The following PDPN variants were observed in gnomAD, a reference collection of about 807,000 sequenced individuals.
PDPN encodes PA2.26 antigen.
Under a neutral mutation model 23.2 loss-of-function variants are expected in PDPN, and 12 were observed. The observed-to-expected ratio is 0.52, with a 90% CI of 0.33 to 0.84. PDPN has a LOEUF of 0.84. Among genes scored for constraint, PDPN ranks in the 40% least tolerant of loss-of-function variants. The pLI is 0.02. For missense variants in PDPN, 199 were observed against 212.2 expected, an observed-to-expected ratio of 0.94 and a Z score of 0.39; for synonymous variants, 77 against 76.7, an observed-to-expected ratio of 1.00 and a Z score of -0.02.
At chr1:13,604,498 C>T (rs1640732694) in intron 1 of PDPN, among the ~76,000 whole-genome samples, 1 of 152,144 alleles carries the variant, frequency 6.6e-6, no homozygotes. Context: ...GTACTTGGCT[C>T]TGTGGGCCAA....
At chr1:13,590,398 C>T (rs188239522) in intron 1 of PDPN, among the ~76,000 whole-genome samples, 21 of 152,286 alleles carry the variant, frequency 1.4e-4, no homozygotes, top group Middle Eastern at 3.4e-3. Context: ...TCGTGTCCTG[C>T]GCGGCACATG....
chr1:13,605,143 C>G (rs903968772), intron 1 of PDPN, among the ~76,000 whole-genome samples: 7 of 150,202 alleles, frequency 4.7e-5, no homozygotes, highest in African/African-American at 1.0e-4. Context: ...AGCTGTGCCT[C>G]TGGCTGGGCT....
intron 1 of PDPN, chr1:13,584,335 C>A: frequency 6.7e-7 from 1 of 1,486,062 alleles, no homozygotes; most frequent in Non-Finnish European, 8.9e-7. Context: ...AATCCACAGG[C>A]TGCGAGGTGG....
Position 13,584,043 on chromosome 1 carries a change from GTGTCAGC to G in PDPN, c.12_18del (p.Ser5CysfsTer45). 6.2e-7 allele frequency: 1 copy of G among 1,613,382 alleles called. No homozygotes were observed. Among genetic ancestry groups the G allele is most frequent in the South Asian group, 1.1e-5 (1 of 91,082 alleles). ...CAACTCAACGGGAACGATGTGGAAGGTGTCAGCTCTGCTCTTCGTTTTGGGAAGCGCG... is the reference window on the plus strand; with the variant it reads ...CAACTCAACGGGAACGATGTGGAAGGTCTGCTCTTCGTTTTGGGAAGCGCG... On this transcript the variant is annotated frameshift_variant, in exon 1 of 6. Coordinates refer to ENST00000621990, the MANE Select transcript of PDPN (RefSeq NM_006474.5). LOFTEE classifies it high-confidence loss of function.
At chr1:13,585,537 C>A (rs757886308) in intron 1 of PDPN, 3 of 1,351,458 alleles carry the variant, frequency 2.2e-6, no homozygotes, top group Non-Finnish European at 2.9e-6. Flanking sequence ...CTCACTTCAG[C>A]ATCTCAGCCC....
chr1:13,586,163 C>T (rs781464596), intron 1 of PDPN, among the ~76,000 whole-genome samples: 18 of 152,290 alleles, frequency 1.2e-4, no homozygotes, highest in Admixed American at 7.2e-4. Context: ...AGCTGCTGCT[C>T]GCTGCTAACC....
upstream of PDPN, chr1:13,583,817 G>T (rs758844371): frequency 3.5e-5 from 54 of 1,548,124 alleles, no homozygotes; most frequent in South Asian, 5.7e-4. Flanking sequence ...TGCTGACTCC[G>T]CTCGGAAAGT....
rs71570150 is a variant in PDPN, at chr1:13,594,830, CA to C, written c.67+10745del. Among the ~76,000 whole-genome samples the C allele has an allele frequency of 7.4e-3, 969 of 130,330 alleles. 3 individuals are homozygous for C. Among genetic ancestry groups the C allele is most frequent in the Middle Eastern group, 0.012 (3 of 258 alleles). 85.5% of individuals were successfully genotyped at this position (130,330 alleles called of 152,430 possible). On this transcript the variant is annotated intron_variant, in intron 1 of 5. Coordinates refer to ENST00000621990, the MANE Select transcript of PDPN (RefSeq NM_006474.5). ...TGAAATCCCGTCTCTACTAAAAATA[CA>C]AAAAAAAAAAAAAATTAGCCGGGTG...
chr1:13,607,053 CA>C, intron 1 of PDPN, 119 bp from the exon 2 acceptor site: 1 of 1,224,148 alleles, frequency 8.2e-7, no homozygotes, highest in Non-Finnish European at 1.1e-6. Context: ...CAAAAAGGAC[CA>C]AAAATAAAAC....
At chr1:13,602,276 C>T (rs1170621545) in intron 1 of PDPN, among the ~76,000 whole-genome samples, 3 of 151,734 alleles carry the variant, frequency 2.0e-5, no homozygotes, top group Admixed American at 6.6e-5. Flanking sequence ...TGCCGTGAGC[C>T]GAGATCGTGC....
intron 1 of PDPN, chr1:13,595,823 A>G (rs1198838018): frequency 1.6e-6 from 2 of 1,262,762 alleles, no homozygotes; most frequent in African/African-American, 3.1e-5. Flanking sequence ...CTCTTTCATT[A>G]CAGGGGAAGG....
intron 1 of PDPN, among the ~76,000 whole-genome samples, chr1:13,587,109 T>G (rs1305803140): frequency 6.6e-6 from 1 of 152,366 alleles, no homozygotes; most frequent in African/African-American, 2.4e-5. Context: ...TTAACCTCAC[T>G]TTAAGCCTCT....
At chr1:13,611,869 A>G (rs969069335) in intron 3 of PDPN, among the ~76,000 whole-genome samples, 1 of 152,216 alleles carries the variant, frequency 6.6e-6, no homozygotes, top group Non-Finnish European at 1.5e-5. Flanking sequence ...AAGTTGAGCT[A>G]AGCAAAGAAA....
chr1:13,591,588 T>C (rs567500917), intron 1 of PDPN, among the ~76,000 whole-genome samples: 1 of 152,344 alleles, frequency 6.6e-6, no homozygotes, highest in Non-Finnish European at 1.5e-5. Context: ...GGATATTTCT[T>C]ATCACTGGAA....
intron 1 of PDPN, among the ~76,000 whole-genome samples, chr1:13,593,957 A>T (rs1351472044): frequency 2.0e-5 from 3 of 152,192 alleles, no homozygotes; most frequent in African/African-American, 7.2e-5. Context: ...TTCCTCTTGG[A>T]CTGAGAATGT....
At chr1:13,600,657 G>A (rs752209122) in intron 1 of PDPN, among the ~76,000 whole-genome samples, 4 of 152,082 alleles carry the variant, frequency 2.6e-5, no homozygotes, top group Admixed American at 6.6e-5. Context: ...GAGCCACCGC[G>A]TTGGGCCACA....
chr1:13,603,930 A>T (rs1425581070), intron 1 of PDPN, among the ~76,000 whole-genome samples: 2 of 152,218 alleles, frequency 1.3e-5, no homozygotes, highest in East Asian at 3.9e-4. Flanking sequence ...ACAAATTTCA[A>T]AGTAAGTGGA....
chr1:13,587,058 A>G (rs1640200539), intron 1 of PDPN, among the ~76,000 whole-genome samples: 1 of 152,236 alleles, frequency 6.6e-6, no homozygotes, highest in Non-Finnish European at 1.5e-5. Flanking sequence ...TCAAAAATAT[A>G]TATAAAAACA....
intron 1 of PDPN, among the ~76,000 whole-genome samples, chr1:13,591,770 C>T (rs1419236327): frequency 6.6e-6 from 1 of 152,232 alleles, no homozygotes; most frequent in African/African-American, 2.4e-5. Context: ...TCATAGCTCA[C>T]GACAGCCTCA....
Sources: allele counts gnomAD v4.1 joint callset (sites outside exome capture counted in the v4.1 genomes callset), GRCh38; gene constraint gnomAD v4.1.1; transcripts MANE v1.5; gene names NCBI Gene and HGNC (gene_info 2026-07-23, HGNC 2026-07-21).